ACAN: variants seen among roughly 807,000 people sequenced by gnomAD.
The protein encoded by ACAN is aggrecan, also known as aggrecan core protein.
Under a neutral mutation model 169.1 loss-of-function variants are expected in ACAN, and 47 were observed. The observed-to-expected ratio is 0.28, with a 90% CI of 0.22 to 0.35. The LOEUF is 0.35. Ranked by LOEUF, ACAN falls within the 10% of genes least tolerant of loss-of-function variation. ACAN has a pLI of 1.00. For missense variants in ACAN, 2,716 were observed against 2,759.9 expected (o/e 0.98, Z 0.36); for synonymous variants, 1,115 against 1,112.2 (o/e 1.00, Z -0.05).
Position 88,839,918 on chromosome 15 carries a change from C to A in ACAN, c.455-94C>A. On this transcript the variant is annotated intron_variant, in intron 3 of 18. Transcript: ENST00000560601. The surrounding 1 kb of genome is among the most constrained non-coding windows in gnomAD (Gnocchi z 4.5). ...CCAGACCAGCCAGTTCCCTAAGGTC[C>A]CTTTGACTATTGCCATAATTCTGCG... The A allele has an allele frequency of 6.9e-7, 1 of 1,449,482 alleles. No homozygotes were observed. 89.8% of individuals were successfully genotyped at this position (1,449,482 alleles called of 1,614,324 possible). A position where few individuals can be genotyped will look rare whatever the true frequency, so the allele number is the denominator to read the frequency against.
At position 88,843,385 on chromosome 15, in the gene ACAN, A is replaced by G; in HGVS notation, c.788A>G (p.Lys263Arg). The G allele has an allele frequency of 2.5e-6, 4 of 1,595,888 alleles. No individual in the cohort carries two copies. Among genetic ancestry groups the G allele is most frequent in the Non-Finnish European group, 3.4e-6 (4 of 1,167,208 alleles). The change falls in exon 6 of 19, where the codon AAG becomes AGG. Residue 263 changes from lysine (K) to arginine (R), a missense_variant. By Grantham distance (26) the Lys-to-Arg change is conservative. Coordinates refer to ENST00000560601, the MANE Select transcript of ACAN (RefSeq NM_001369268.1). The surrounding 1 kb of genome is among the most constrained non-coding windows in gnomAD (Gnocchi z 4.0). ...GTCTTTTATGCAACATCTCCAGAGAAGTTCACCTTCCAGGAAGCAGCCAAT... is the reference window on the plus strand; with the variant it reads ...GTCTTTTATGCAACATCTCCAGAGAGGTTCACCTTCCAGGAAGCAGCCAAT... ...GEVFYATSPE[K>R]FTFQEAANEC...
chr15:88,849,710 C>G lies in ACAN; in HGVS notation c.2005C>G (p.His669Asp), dbSNP rs1896889033. The G allele has an allele frequency of 6.2e-7, 1 of 1,613,854 alleles. No individual in the cohort carries two copies. ...GGGCCTCCCAGACCCACTGTCCCGG[C>G]ACCATGCCTTCTGCTTCCGAGGTAT... ...QTGLPDPLSR[H>D]HAFCFRGISA... The change falls in exon 10 of 19, where the codon CAC (histidine) becomes GAC (aspartate). Residue 669 changes from histidine (H) to aspartate (D), a missense_variant. Coordinates refer to ENST00000560601, the MANE Select transcript of ACAN (RefSeq NM_001369268.1). This position sits in a 1 kb window ranked among gnomAD's most constrained non-coding sequence, Gnocchi z 5.1.
At chr15:88,837,800 C>A (rs971395173) in intron 2 of ACAN, among the ~76,000 whole-genome samples, 2 of 151,534 alleles carry the variant, frequency 1.3e-5, no homozygotes, top group Non-Finnish European at 2.9e-5. Context: ...CTACAACCCA[C>A]AAATATCTGA....
rs954299717 is a variant in ACAN at position 88,839,119 on chromosome 15, G to A, written c.454+73G>A. The A allele has an allele frequency of 2.4e-5, 37 of 1,549,210 alleles. No homozygotes were observed. Among genetic ancestry groups the A allele is most frequent in the Middle Eastern group, 2.3e-4 (1 of 4,350 alleles). ...CCAGAGCAGTCTCCGCAGTGCAGGC[G>A]CAGGCAGGCTGGCCTTCAAACCAGC... On this transcript the variant is annotated intron_variant, in intron 3 of 18. Transcript: ENST00000560601. The surrounding 1 kb of genome is among the most constrained non-coding windows in gnomAD (Gnocchi z 4.5).
At chr15:88,825,624 C>T (rs1389930528) in intron 1 of ACAN, among the ~76,000 whole-genome samples, 1 of 152,190 alleles carries the variant, frequency 6.6e-6, no homozygotes, top group Non-Finnish European at 1.5e-5. Flanking sequence ...GGATGAAGAA[C>T]AGCGTATCTC....
At chr15:88,820,922 A>T (rs1896060435) in intron 1 of ACAN, among the ~76,000 whole-genome samples, 2 of 152,314 alleles carry the variant, frequency 1.3e-5, no homozygotes, top group South Asian at 4.1e-4. Context: ...CACAGCTGGG[A>T]AGGCCTCAGG....
rs758864465 is a variant in ACAN, at chr15:88,873,065, C to G, written c.7447+40C>G. 6.3e-7 allele frequency: 1 copy of G among 1,597,850 alleles called. No homozygotes were observed. Among genetic ancestry groups the G allele is most frequent in the Admixed American group, 1.7e-5 (1 of 57,882 alleles). ...GGGAGGGGTCAGGGGAGGATAGGAT[C>G]AAGACCTCCAGCTACAGGTGAGGCT... is the stretch of plus-strand genomic sequence containing the variant. On this transcript the variant is annotated intron_variant, in intron 17 of 18. Coordinates refer to ENST00000560601, the MANE Select transcript of ACAN (RefSeq NM_001369268.1). The surrounding 1 kb of genome is among the most constrained non-coding windows in gnomAD (Gnocchi z 7.5).
At chr15:88,847,671 C>T (rs997351326) in intron 8 of ACAN, among the ~76,000 whole-genome samples, 3 of 152,200 alleles carry the variant, frequency 2.0e-5, no homozygotes, top group Non-Finnish European at 4.4e-5. Context: ...CCAGCCTGAC[C>T]CAGTGCCCTT....
intron 1 of ACAN, among the ~76,000 whole-genome samples, chr15:88,823,464 C>G (rs534156500): frequency 1.2e-3 from 181 of 151,988 alleles, no homozygotes; most frequent in Non-Finnish European, 2.3e-3. Context: ...CTGAGTGTCC[C>G]TGGATGAGTG....
intron 1 of ACAN, among the ~76,000 whole-genome samples, chr15:88,833,084 G>A (rs1896405064): frequency 6.6e-6 from 1 of 152,200 alleles, no homozygotes; most frequent in Non-Finnish European, 1.5e-5. Context: ...GAGTGGGTGA[G>A]CTGCCTGTTC....
At position 88,857,788 on chromosome 15, in the gene ACAN, G is replaced by A. The variant is rs1247515901; in HGVS notation, c.5203G>A (p.Val1735Ile). The A allele has an allele frequency of 8.1e-6, 13 of 1,613,992 alleles. No homozygotes were observed. Among genetic ancestry groups the A allele is most frequent in the Non-Finnish European group, 1.1e-5 (13 of 1,179,906 alleles). Reference sequence around the variant, plus strand: ...TGGGGAAATACCTGGACTCTTTGGTGTCAGTGGACAGCCATCAGGGTTTCC... The same window carrying A: ...TGGGGAAATACCTGGACTCTTTGGTATCAGTGGACAGCCATCAGGGTTTCC... Reference protein sequence around the residue: ...VSGEIPGLFGVSGQPSGFPDT... With the variant: ...VSGEIPGLFGISGQPSGFPDT... The change falls in exon 12 of 19, where the codon GTC (valine) becomes ATC (isoleucine). Residue 1735 changes from valine to isoleucine, a missense_variant. By Grantham distance (29) the Val-to-Ile change is conservative. Transcript: ENST00000560601.
At chr15:88,837,046 T>C (rs1896522062) in intron 2 of ACAN, among the ~76,000 whole-genome samples, 1 of 152,198 alleles carries the variant, frequency 6.6e-6, no homozygotes, top group Non-Finnish European at 1.5e-5. Flanking sequence ...GGTCCCAGGA[T>C]GCCCAGAATT....
chr15:88,838,764 C>A lies in ACAN; in HGVS notation c.172C>A (p.His58Asn), dbSNP rs1896571026. The change falls in exon 3 of 19, where the codon CAC (histidine) becomes AAC (asparagine). Residue 58 changes from histidine to asparagine, a missense_variant. Around this residue, in one of 3 missense-constraint regions of ACAN, gnomAD observed 1,283 missense variants for 1,281.5 expected, o/e 1.00. Transcript: ENST00000560601. The surrounding 1 kb of genome is among the most constrained non-coding windows in gnomAD (Gnocchi z 5.1). The part of the protein sequence containing the change: ...TIPCYFIDPM[H>N]PVTTAPSTAP... ...CCCCTGCTATTTCATCGACCCCATG[C>A]ACCCTGTGACCACCGCCCCTTCTAC... The A allele has an allele frequency of 1.2e-6, 2 of 1,613,800 alleles. No individual in the cohort carries two copies. Among genetic ancestry groups the A allele is most frequent in the Non-Finnish European group, 1.7e-6 (2 of 1,179,878 alleles).
Position 88,843,165 on chromosome 15 carries a change from G to A in ACAN, c.758-190G>A, listed in dbSNP as rs1180271873. ...CTTGGTCCCCTTGTTTTAGGAAATT[G>A]ATGTCATCCTACACAAAAGCCCAGA... On this transcript the variant is annotated intron_variant, in intron 5 of 18. Transcript: ENST00000560601. This position sits in a 1 kb window ranked among gnomAD's most constrained non-coding sequence, Gnocchi z 4.0. Among the ~76,000 whole-genome samples, 1 of 152,140 alleles carries A rather than the reference G, an allele frequency of 6.6e-6. No homozygotes were observed. The highest frequency in any genetic ancestry group is 1.5e-5 in the Non-Finnish European group (1 of 68,036).
intron 1 of ACAN, among the ~76,000 whole-genome samples, chr15:88,819,428 C>T (rs903336219): frequency 3.3e-5 from 5 of 152,032 alleles, no homozygotes; most frequent in Admixed American, 2.0e-4. Context: ...CTGTAGCAGG[C>T]ACTGAGCAAA....
Position 88,849,029 on chromosome 15 carries a change from A to T in ACAN, c.1733-409A>T, listed in dbSNP as rs112266139. 2.0e-5 allele frequency among the ~76,000 whole-genome samples: 3 copies of T among 152,196 alleles called. No individual in the cohort carries two copies. Among genetic ancestry groups the T allele is most frequent in the Non-Finnish European group, 4.4e-5 (3 of 68,030 alleles). ...GAGCACGTCCACAGCAGTCACAGTG[A>T]TAAGTGCAGTGGTGTAGGGGTGCAA... On this transcript the variant is annotated intron_variant, in intron 9 of 18. Coordinates refer to ENST00000560601, the MANE Select transcript of ACAN (RefSeq NM_001369268.1). The surrounding 1 kb of genome is among the most constrained non-coding windows in gnomAD (Gnocchi z 5.1).
chr15:88,821,127 G>T (rs1896065173), intron 1 of ACAN, among the ~76,000 whole-genome samples: 1 of 152,198 alleles, frequency 6.6e-6, no homozygotes, highest in Admixed American at 6.5e-5. Flanking sequence ...TCCCTCCCAT[G>T]ATATATGGGA....
chr15:88,827,920 T>A lies in ACAN; in HGVS notation c.-7-8280T>A, dbSNP rs1166539745. Among the ~76,000 whole-genome samples, 3 of 152,284 alleles carry A rather than the reference T, an allele frequency of 2.0e-5. No homozygotes were observed. In the East Asian group the frequency reaches 5.8e-4, roughly 29 times the overall value. ...TGCGATTCAGCCACATCTGTCTGAC[T>A]CCCAATCATGCTCTTTCTGTTGCAC... On this transcript the variant is annotated intron_variant, in intron 1 of 18. Coordinates refer to ENST00000560601, the MANE Select transcript of ACAN (RefSeq NM_001369268.1).
intron 1 of ACAN, among the ~76,000 whole-genome samples, chr15:88,808,737 C>T (rs1895747827): frequency 6.6e-6 from 1 of 152,232 alleles, no homozygotes; most frequent in Middle Eastern, 3.4e-3. Flanking sequence ...ATTATCTGGC[C>T]CAAAATGTCA....
Sources: allele counts gnomAD v4.1 joint callset (sites outside exome capture counted in the v4.1 genomes callset), GRCh38; gene constraint gnomAD v4.1.1; regional missense constraint gnomAD v4.1.1; non-coding constraint Gnocchi (gnomAD v3.1); transcripts MANE v1.5; gene names NCBI Gene and HGNC (gene_info 2026-07-23, HGNC 2026-07-21).